Variants in SLC25A26 observed in about 807,000 individuals in gnomAD.
The protein encoded by SLC25A26 is solute carrier family 25 member 26, also known as mitochondrial S-adenosylmethionine carrier protein.
In SLC25A26, 36 loss-of-function variants were observed where a neutral mutation model predicts 37.8. The observed-to-expected ratio is 0.95, with a 90% CI of 0.73 to 1.26. The LOEUF (loss-of-function observed/expected upper bound fraction) is 1.26. Ranked by LOEUF, SLC25A26 falls within the 50% of genes most tolerant of loss-of-function variation. The probability of loss-of-function intolerance (pLI) is 0.00; values close to 1 mark genes in which losing one functional copy is unlikely to be tolerated. For synonymous variants in SLC25A26, 129 were observed against 122.5 expected (o/e 1.05, Z -0.35); for missense variants, 390 against 331.1 (o/e 1.18, Z -1.38).
intron 6 of SLC25A26, among the ~76,000 whole-genome samples, chr3:66,360,724 A>G (rs2076686855): frequency 6.6e-6 from 1 of 152,250 alleles, no homozygotes; most frequent in Admixed American, 6.5e-5. Flanking sequence ...CTGTATACTG[A>G]AAACTAAGAC....
intron 1 of SLC25A26, among the ~76,000 whole-genome samples, chr3:66,170,754 C>T (rs901726818): frequency 3.3e-5 from 5 of 150,856 alleles, no homozygotes; most frequent in African/African-American, 1.2e-4. Flanking sequence ...GTGCCTGAAG[C>T]CCAGCACACA....
intron 1 of SLC25A26, among the ~76,000 whole-genome samples, chr3:66,194,321 G>T (rs1240038453): frequency 6.6e-6 from 1 of 152,158 alleles, no homozygotes; most frequent in Non-Finnish European, 1.5e-5. Context: ...GGGTTGAAAG[G>T]GTTCAGGGGA....
At chr3:66,231,894 C>T (rs964032328) in intron 1 of SLC25A26, among the ~76,000 whole-genome samples, 1 of 151,934 alleles carries the variant, frequency 6.6e-6, no homozygotes, top group Non-Finnish European at 1.5e-5. Flanking sequence ...ACCTCAGCCT[C>T]CCAGCAGCTA....
chr3:66,204,374 C>G (rs1393690264), intron 1 of SLC25A26, among the ~76,000 whole-genome samples: 1 of 128,556 alleles, frequency 7.8e-6, no homozygotes, highest in African/African-American at 2.8e-5. Context: ...TGCAGTGAGC[C>G]GAGATCGCGC....
intron 2 of SLC25A26, among the ~76,000 whole-genome samples, chr3:66,241,101 T>C (rs1176677346): frequency 6.6e-6 from 1 of 152,136 alleles, no homozygotes; most frequent in Non-Finnish European, 1.5e-5. Flanking sequence ...TATAAGTTTG[T>C]TCAAATTATC....
intron 7 of SLC25A26, among the ~76,000 whole-genome samples, chr3:66,366,017 T>A (rs753559313): frequency 8.5e-5 from 13 of 152,210 alleles, no homozygotes; most frequent in Non-Finnish European, 1.2e-4. Context: ...TTATGGGTGT[T>A]GGGGCAGGGG....
At chr3:66,176,080 G>C (rs1251564740) in intron 1 of SLC25A26, among the ~76,000 whole-genome samples, 2 of 152,108 alleles carry the variant, frequency 1.3e-5, no homozygotes, top group East Asian at 3.9e-4. Flanking sequence ...GCTTGAACAT[G>C]ATGTTTGGAA....
chr3:66,175,371 C>G (rs2070570638), intron 1 of SLC25A26, among the ~76,000 whole-genome samples: 2 of 151,946 alleles, frequency 1.3e-5, no homozygotes, highest in South Asian at 4.2e-4. Flanking sequence ...ATTACAAGTG[C>G]ATGCCACCAT....
chr3:66,300,256 G>GTTTTTTTT (rs916553948), intron 5 of SLC25A26, among the ~76,000 whole-genome samples: 1 of 116,666 alleles, frequency 8.6e-6, no homozygotes. Context: ...TTTTTGTTTT[G>GTTTTTTTT]TTTTTTTTTT....
At chr3:66,190,078 G>A (rs1008307204) in intron 1 of SLC25A26, among the ~76,000 whole-genome samples, 66 of 152,300 alleles carry the variant, frequency 4.3e-4, no homozygotes, top group African/African-American at 1.5e-3. Flanking sequence ...TTGGGAGGCC[G>A]AGGCAGGTGG....
chr3:66,248,532 G>A (rs1209716123), intron 3 of SLC25A26, among the ~76,000 whole-genome samples: 11 of 152,132 alleles, frequency 7.2e-5, no homozygotes, highest in Admixed American at 5.9e-4. Flanking sequence ...AAGATTTGAC[G>A]TGTTGTATCT....
At chr3:66,277,540 A>T (rs1293114524) in intron 5 of SLC25A26, among the ~76,000 whole-genome samples, 8 of 152,116 alleles carry the variant, frequency 5.3e-5, no homozygotes, top group Non-Finnish European at 1.0e-4. Context: ...TGGATGTGTT[A>T]ATTAATTTGA....
upstream of SLC25A26, among the ~76,000 whole-genome samples, chr3:66,217,696 G>A (rs1576645658): frequency 2.6e-5 from 4 of 151,930 alleles, no homozygotes; most frequent in Non-Finnish European, 5.9e-5. Context: ...CTCCAGGCGC[G>A]CATCACCACA....
At chr3:66,257,102 CTA>C (rs71616214) in intron 3 of SLC25A26, among the ~76,000 whole-genome samples, 15,862 of 151,942 alleles carry the variant, frequency 0.1, 1,061 homozygotes, top group Admixed American at 0.19. Flanking sequence ...ATTTCACAAA[CTA>C]TATGGTGTAA....
chr3:66,313,667 G>A (rs191496743), intron 5 of SLC25A26, among the ~76,000 whole-genome samples: 97 of 152,230 alleles, frequency 6.4e-4, no homozygotes, highest in African/African-American at 2.2e-3. Context: ...AATGTTAATG[G>A]TAGTTTAATG....
At chr3:66,158,368 G>C (rs1003638099) in intron 1 of SLC25A26, among the ~76,000 whole-genome samples, 1 of 152,028 alleles carries the variant, frequency 6.6e-6, no homozygotes, top group African/African-American at 2.4e-5. Flanking sequence ...ATGGAAATTT[G>C]GGTTCTTTCA....
In SLC25A26 at chr3:66,363,012, T is replaced by G. The variant is rs562082939; in HGVS notation, c.568+83T>G. 2.4e-5 allele frequency: 21 copies of G among 884,574 alleles called. 1 individual carries two copies. In the South Asian group the frequency reaches 4.2e-4, roughly 18 times the overall value. 54.8% of individuals were successfully genotyped at this position (884,574 alleles called of 1,614,324 possible). On this transcript the variant is annotated intron_variant, in intron 7 of 9. Coordinates refer to ENST00000354883, the MANE Select transcript of SLC25A26 (RefSeq NM_001379210.1). The stretch of plus-strand genomic sequence containing the variant: ...TTAACTATGCAAAAACAACATTCTT[T>G]AGACATTCCAGGTTGTTTAGATGAA...
At chr3:66,371,073 C>G in intron 9 of SLC25A26, 3 of 1,345,466 alleles carry the variant, frequency 2.2e-6, no homozygotes, top group Admixed American at 3.3e-5. Context: ...AGAAGTGCCT[C>G]AGACTTCTAG....
intron 5 of SLC25A26, among the ~76,000 whole-genome samples, chr3:66,273,809 A>T (rs77286308): frequency 0.16 from 24,387 of 152,070 alleles, 2,351 homozygotes; most frequent in Non-Finnish European, 0.22. Flanking sequence ...AATATCGTGA[A>T]AATGGCCATA....
Sources: allele counts gnomAD v4.1 joint callset (sites outside exome capture counted in the v4.1 genomes callset), GRCh38; gene constraint gnomAD v4.1.1; transcripts MANE v1.5; gene names NCBI Gene and HGNC (gene_info 2026-07-23, HGNC 2026-07-21).